GFRA1: variants seen among roughly 807,000 people sequenced by gnomAD.
GFRA1 encodes the protein GDNF family receptor alpha-1.
GFRA1 carries 16 observed loss-of-function variants against 51.6 expected under a neutral mutation model. That is an observed-to-expected ratio of 0.31 (90% CI 0.21 to 0.47). The LOEUF (loss-of-function observed/expected upper bound fraction) is 0.47. GFRA1 is among the 20% of genes least tolerant of loss of function. GFRA1 has a pLI of 1.00. For synonymous variants in GFRA1, 270 were observed against 241.3 expected, an observed-to-expected ratio of 1.12 and a Z score of -1.10; for missense variants, 530 against 594.3, an observed-to-expected ratio of 0.89 and a Z score of 1.13.
intron 5 of GFRA1, among the ~76,000 whole-genome samples, chr10:116,177,142 T>C (rs1177840112): frequency 6.6e-6 from 1 of 152,108 alleles, no homozygotes; most frequent in Non-Finnish European, 1.5e-5. Flanking sequence ...CTGACTATGA[T>C]GAATATCACA....
chr10:116,088,589 T>TG (rs1288870435), intron 9 of GFRA1, among the ~76,000 whole-genome samples: 1 of 152,100 alleles, frequency 6.6e-6, no homozygotes, highest in Non-Finnish European at 1.5e-5. Context: ...GCATCTCTCC[T>TG]GCAGGCATCA....
At chr10:116,145,187 A>G (rs1297438415) in intron 5 of GFRA1, among the ~76,000 whole-genome samples, 2 of 149,036 alleles carry the variant, frequency 1.3e-5, no homozygotes, top group African/African-American at 4.9e-5. Flanking sequence ...AAAAACTTAC[A>G]ACAACAACAA....
At chr10:116,138,703 G>A (rs978904274) in intron 5 of GFRA1, among the ~76,000 whole-genome samples, 1 of 131,122 alleles carries the variant, frequency 7.6e-6, no homozygotes, top group Non-Finnish European at 1.5e-5. Context: ...TCTCTCATGA[G>A]CTTGAGACAA....
intron 8 of GFRA1, among the ~76,000 whole-genome samples, chr10:116,093,422 C>G (rs1041781781): frequency 6.6e-6 from 1 of 152,196 alleles, no homozygotes; most frequent in Non-Finnish European, 1.5e-5. Flanking sequence ...GAATCTCTTG[C>G]TCTCTCAGGC....
At chr10:116,069,939 G>T (rs1383369958) in intron 9 of GFRA1, among the ~76,000 whole-genome samples, 5 of 152,164 alleles carry the variant, frequency 3.3e-5, no homozygotes, top group African/African-American at 1.2e-4. Context: ...GCCTGGCCTT[G>T]CTGCCCCAGG....
chr10:116,160,141 T>C (rs1189099631), intron 5 of GFRA1, among the ~76,000 whole-genome samples: 1 of 152,170 alleles, frequency 6.6e-6, no homozygotes, highest in African/African-American at 2.4e-5. Context: ...ATAAAAGCCT[T>C]TTGGTTTTTG....
chr10:116,173,307 G>A (rs1245786864), intron 5 of GFRA1, among the ~76,000 whole-genome samples: 3 of 152,132 alleles, frequency 2.0e-5, no homozygotes, highest in Admixed American at 2.0e-4. Flanking sequence ...GTCCCAGTAT[G>A]GGAGAGGCTG....
At chr10:116,256,739 G>GCA (rs764408711) in intron 4 of GFRA1, among the ~76,000 whole-genome samples, 4 of 152,210 alleles carry the variant, frequency 2.6e-5, no homozygotes, top group Non-Finnish European at 4.4e-5. Flanking sequence ...TGAGAATTTG[G>GCA]CACAGAAAAC....
intron 9 of GFRA1, among the ~76,000 whole-genome samples, chr10:116,068,691 C>T (rs1955230693): frequency 6.6e-6 from 1 of 152,126 alleles, no homozygotes; most frequent in Non-Finnish European, 1.5e-5. Context: ...GTCTTAAAAC[C>T]CACTTTGGAA....
At chr10:116,241,538 T>C (rs1967381520) in intron 4 of GFRA1, among the ~76,000 whole-genome samples, 1 of 152,186 alleles carries the variant, frequency 6.6e-6, no homozygotes, top group African/African-American at 2.4e-5. Context: ...TTAATACATA[T>C]TGCCACATGA....
chr10:116,237,317 CA>C (rs1463119965), intron 4 of GFRA1, among the ~76,000 whole-genome samples: 3 of 152,164 alleles, frequency 2.0e-5, no homozygotes, highest in Non-Finnish European at 2.9e-5. Flanking sequence ...CATTTAACCA[CA>C]CCTCTTGATG....
intron 5 of GFRA1, among the ~76,000 whole-genome samples, chr10:116,177,168 T>C (rs1207988834): frequency 6.6e-6 from 1 of 152,036 alleles, no homozygotes; most frequent in Non-Finnish European, 1.5e-5. Flanking sequence ...TGATAAGAAA[T>C]GCAGGCTCCC....
At chr10:116,197,546 ATC>A (rs1251231203) in intron 5 of GFRA1, among the ~76,000 whole-genome samples, 4 of 152,218 alleles carry the variant, frequency 2.6e-5, no homozygotes, top group African/African-American at 9.6e-5. Context: ...ATGTGTGTAT[ATC>A]TGTGTATTTT....
At chr10:116,096,547 G>C in intron 7 of GFRA1, 108 bp downstream of exon 7, 3 of 719,874 alleles carry the variant, frequency 4.2e-6, no homozygotes, top group South Asian at 3.0e-5. Flanking sequence ...CCAGCCCAGA[G>C]GTTACTGTGA....
intron 9 of GFRA1, among the ~76,000 whole-genome samples, chr10:116,077,912 G>GC (rs1242405841): frequency 6.6e-6 from 1 of 152,128 alleles, no homozygotes; most frequent in Non-Finnish European, 1.5e-5. Context: ...ACTTAGTAGG[G>GC]CCCCGGAGAT....
intron 8 of GFRA1, among the ~76,000 whole-genome samples, chr10:116,091,793 C>A (rs1427327920): frequency 6.6e-6 from 1 of 152,126 alleles, no homozygotes; most frequent in African/African-American, 2.4e-5. Flanking sequence ...GCTCTGTGCC[C>A]CATCTAGTCA....
intron 5 of GFRA1, among the ~76,000 whole-genome samples, chr10:116,149,845 T>C (rs1958992413): frequency 6.6e-6 from 1 of 152,164 alleles, no homozygotes; most frequent in South Asian, 2.1e-4. Context: ...ACAAGACCAC[T>C]ATTATTTTAA....
intron 7 of GFRA1, among the ~76,000 whole-genome samples, chr10:116,096,363 G>C (rs115769635): frequency 2.3e-4 from 35 of 152,044 alleles, no homozygotes; most frequent in Non-Finnish European, 3.7e-4. Context: ...TTTGTTCTGC[G>C]TGGTCAGTTT....
At position 116,141,481 on chromosome 10, in the gene GFRA1, C is replaced by A. The variant is rs74160635; in HGVS notation, c.434-15924G>T. Among the ~76,000 whole-genome samples the A allele has an allele frequency of 1.1e-3, 162 of 152,282 alleles. 1 individual carries two copies. Among genetic ancestry groups the A allele is most frequent in the African/African-American group, 3.5e-3 (146 of 41,564 alleles). On this transcript the variant is annotated intron_variant, in intron 5 of 10. Coordinates refer to ENST00000355422, the MANE Select transcript of GFRA1 (RefSeq NM_005264.8). ...CTGTACCTTGAGAGTATATGCTCTG[C>A]CTCCTGGCAATGAGTAACTAGAGGC... is the stretch of plus-strand genomic sequence containing the variant.
Sources: gnomAD v4.1 joint callset for allele counts (sites outside exome capture counted in the v4.1 genomes callset) on GRCh38, gnomAD v4.1.1 for gene constraint, MANE v1.5 for transcripts, NCBI Gene and HGNC (gene_info 2026-07-23, HGNC 2026-07-21) for gene names.